MSANTD5: variants seen among roughly 807,000 people sequenced by gnomAD.
MSANTD5 encodes Myb/SANT DNA binding domain containing 5.
At chr5:178,707,137 T>G in the MSANTD5 span, 3 of 152,158 alleles carry the variant, frequency 2.0e-5, no homozygotes, top group Admixed American at 2.0e-4. Flanking sequence ...TTGCATGTTG[T>G]AGTTGAAACT....
chr5:178,693,815 C>T (rs549080611), downstream of MSANTD5, among the ~76,000 whole-genome samples: 4 of 152,032 alleles, frequency 2.6e-5, no homozygotes, highest in South Asian at 6.2e-4. Flanking sequence ...CATTTACAAT[C>T]CTCTAGCTAG....
chr5:178,702,995 G>A, the MSANTD5 span, among the ~76,000 whole-genome samples: 1 of 152,208 alleles, frequency 6.6e-6, no homozygotes, highest in African/African-American at 2.4e-5. Flanking sequence ...CACACAGGGC[G>A]ATTCCACTGT....
upstream of MSANTD5, among the ~76,000 whole-genome samples, chr5:178,701,914 G>A (rs1314636879): frequency 6.6e-6 from 1 of 150,660 alleles, no homozygotes; most frequent in Non-Finnish European, 1.5e-5. Context: ...TGTATTTTTA[G>A]TAGAAACGGG....
chr5:178,697,148 G>C lies in MSANTD5; in HGVS notation c.6+438C>G, dbSNP rs368014362. ...CTAATTCCAAAGGCTGCCTGTGGCT[G>C]AACATACAGAGGAAGCGGGTGCCTT... On this transcript the variant is annotated intron_variant, in intron 1 of 3. Coordinates refer to ENST00000648368, the Ensembl canonical transcript of MSANTD5. Among the ~76,000 whole-genome samples, 65 of 152,256 alleles carry C rather than the reference G, an allele frequency of 4.3e-4. 1 individual carries two copies. In the South Asian group the frequency reaches 0.013, roughly 30 times the overall value.
chr5:178,697,193 G>A (rs1233487691), intron 1 of MSANTD5, among the ~76,000 whole-genome samples: 2 of 152,164 alleles, frequency 1.3e-5, no homozygotes, highest in South Asian at 2.1e-4. Context: ...GGTGGCTCAC[G>A]CCTGTAATCC....
chr5:178,694,688 T>C (rs1471922824), exon 4 of MSANTD5: 1 of 152,202 alleles, frequency 6.6e-6, no homozygotes, highest in Non-Finnish European at 1.5e-5. Context: ...ATCCAGATTC[T>C]AAATGTCTTC....
chr5:178,702,875 A>G, the MSANTD5 span, among the ~76,000 whole-genome samples: 3 of 152,048 alleles, frequency 2.0e-5, no homozygotes, highest in Non-Finnish European at 2.9e-5. Context: ...GGGATTACAG[A>G]TGTGAGCCAC....
downstream of MSANTD5, among the ~76,000 whole-genome samples, chr5:178,693,186 G>A (rs772701335): frequency 8.6e-5 from 13 of 152,030 alleles, no homozygotes; most frequent in Admixed American, 2.0e-4. Context: ...GGTGGCGCAC[G>A]CCTGTAATCC....
chr5:178,700,630 A>AGAGTTCCTTCTTCCAGTGTGACCATCCT (rs1554092785), upstream of MSANTD5, among the ~76,000 whole-genome samples: 89 of 152,206 alleles, frequency 5.8e-4, no homozygotes, highest in African/African-American at 2.1e-3. Flanking sequence ...GACCATCCTG[A>AGAGTTCCTTCTTCCAGTGTGACCATCCT]GAGTCCCTTC....
downstream of MSANTD5, among the ~76,000 whole-genome samples, chr5:178,693,461 A>T (rs534946628): frequency 6.6e-6 from 1 of 152,030 alleles, no homozygotes; most frequent in Non-Finnish European, 1.5e-5. Context: ...ATATGTCCGG[A>T]GTTTCTGCCT....
the MSANTD5 span, among the ~76,000 whole-genome samples, chr5:178,703,569 G>A: frequency 3.9e-3 from 589 of 152,230 alleles, 8 homozygotes; most frequent in African/African-American, 0.014. Flanking sequence ...TATACAGTTC[G>A]ATAAAGAAAT....
intron 1 of MSANTD5, among the ~76,000 whole-genome samples, 172 bp downstream of exon 1, chr5:178,697,414 C>G (rs13360595): frequency 6.6e-6 from 1 of 151,756 alleles, no homozygotes; most frequent in African/African-American, 2.4e-5. Flanking sequence ...GGATCGCGCC[C>G]CTGCACTCCA....
upstream of MSANTD5, among the ~76,000 whole-genome samples, chr5:178,698,389 A>C (rs138112223): frequency 0.01 from 1,582 of 151,940 alleles, 14 homozygotes; most frequent in Middle Eastern, 0.034. Flanking sequence ...GAGGGAAGCA[A>C]CTCCTAGGTT....
chr5:178,694,025 TA>T (rs1443396844), downstream of MSANTD5, among the ~76,000 whole-genome samples: 1 of 151,904 alleles, frequency 6.6e-6, no homozygotes, highest in Non-Finnish European at 1.5e-5. Flanking sequence ...AAACATGAAA[TA>T]AAAGTTCTGG....
chr5:178,706,183 G>A, the MSANTD5 span, among the ~76,000 whole-genome samples: 1 of 152,080 alleles, frequency 6.6e-6, no homozygotes, highest in East Asian at 1.9e-4. Context: ...ATTTTCATAT[G>A]TTGAACCAAC....
upstream of MSANTD5, among the ~76,000 whole-genome samples, chr5:178,702,577 G>C (rs893430273): frequency 3.4e-5 from 5 of 145,826 alleles, no homozygotes; most frequent in African/African-American, 1.0e-4. Context: ...GGGAATACAG[G>C]TGTGAGCCAC....
downstream of MSANTD5, among the ~76,000 whole-genome samples, chr5:178,694,122 G>C (rs1765385494): frequency 6.6e-6 from 1 of 151,832 alleles, no homozygotes; most frequent in Non-Finnish European, 1.5e-5. Flanking sequence ...TTCAAGACCA[G>C]CCTGTCCAAG....
chr5:178,696,518 G>A (rs913254225), intron 1 of MSANTD5, among the ~76,000 whole-genome samples: 8 of 152,006 alleles, frequency 5.3e-5, no homozygotes, highest in East Asian at 1.9e-4. Context: ...GAGCCACTGC[G>A]ACCAGCCCCC....
downstream of MSANTD5, among the ~76,000 whole-genome samples, chr5:178,692,705 AT>A (rs541241159): frequency 2.5e-3 from 384 of 152,210 alleles, 5 homozygotes; most frequent in African/African-American, 8.9e-3. Flanking sequence ...GTACAATTCC[AT>A]TTATATAACA....
Sources: gnomAD v4.1 joint callset for allele counts (sites outside exome capture counted in the v4.1 genomes callset) on GRCh38, gnomAD v4.1.1 for gene constraint, MANE v1.5 for transcripts, NCBI Gene and HGNC (gene_info 2026-07-23, HGNC 2026-07-21) for gene names.